The following TRAPPC9 variants were observed in gnomAD, a reference collection of about 807,000 sequenced individuals.
The protein encoded by TRAPPC9 is trafficking protein particle complex subunit 9.
A neutral mutation model predicts 124.0 loss-of-function variants in TRAPPC9; 83 were observed. That is an observed-to-expected ratio of 0.67 (90% confidence interval 0.56 to 0.80). The LOEUF (loss-of-function observed/expected upper bound fraction) is 0.80. Ranked by LOEUF, TRAPPC9 falls within the 30% of genes least tolerant of loss-of-function variation. The pLI is 0.00. For synonymous variants in TRAPPC9, 638 were observed against 617.5 expected (o/e 1.03, Z -0.49); for missense variants, 1,302 against 1,508.3 (o/e 0.86, Z 2.27).
At chr8:139,924,758 C>A (rs1832705872) in intron 19 of TRAPPC9, among the ~76,000 whole-genome samples, 1 of 152,258 alleles carries the variant, frequency 6.6e-6, no homozygotes, top group South Asian at 2.1e-4. Context: ...GCACTGGTTT[C>A]TTTGGATACC....
At chr8:139,777,087 T>C (rs927419042) in intron 21 of TRAPPC9, among the ~76,000 whole-genome samples, 1 of 152,202 alleles carries the variant, frequency 6.6e-6, no homozygotes, top group Non-Finnish European at 1.5e-5. Context: ...GCTCTGATCA[T>C]CTTTCAAGAG....
At position 139,887,160 on chromosome 8, in the gene TRAPPC9, G is replaced by A. The variant is rs538480367; in HGVS notation, c.2965-1191C>T. The stretch of plus-strand genomic sequence containing the variant: ...CCAGCAGCAGGACAGGCTAAGGTCA[G>A]CAACATGCTGCCCTGGGGGCTCGGG... On this transcript the variant is annotated intron_variant, in intron 20 of 22. Transcript: ENST00000438773. Among the ~76,000 whole-genome samples, 3 of 151,512 alleles carry A rather than the reference G, an allele frequency of 2.0e-5. No individual in the cohort carries two copies. In the South Asian group the frequency reaches 6.3e-4, roughly 32 times the overall value.
At position 140,024,067 on chromosome 8, in the gene TRAPPC9, C is replaced by A. The variant is rs1839975560; in HGVS notation, c.2569G>T (p.Val857Phe). 6.2e-7 allele frequency: 1 copy of A among 1,613,878 alleles called. No individual in the cohort carries two copies. The highest frequency in any genetic ancestry group is 2.2e-5 in the East Asian group (1 of 44,870). The change falls in exon 18 of 23, where the codon GTC becomes TTC. Residue 857 changes from valine to phenylalanine, a missense_variant. This residue lies in a region of TRAPPC9 where 640 missense variants were observed against 679.3 expected (regional missense o/e 0.94). Coordinates refer to ENST00000438773, the MANE Select transcript of TRAPPC9 (RefSeq NM_001160372.4). ...CCTCCAGAGTATTTGAAATTCAGGA[C>A]AGCTTCCAGGGTCTAAAAGATATTA... ...DYSHVKTLEA[V>F]LNFKYSGGPG... is the part of the protein sequence containing the mutation.
chr8:140,238,198 T>A (rs1563871871), intron 16 of TRAPPC9: 1 of 152,214 alleles, frequency 6.6e-6, no homozygotes, highest in African/African-American at 2.4e-5. Context: ...GGGGATCACC[T>A]GTTGCTGATG....
intron 17 of TRAPPC9, among the ~76,000 whole-genome samples, chr8:140,211,186 A>C (rs2131250973): frequency 6.6e-6 from 1 of 152,260 alleles, no homozygotes; most frequent in Middle Eastern, 3.4e-3. Flanking sequence ...TGAGGCCAGG[A>C]GTTCAAGACC....
rs537805356 is a variant in TRAPPC9 at position 139,882,047 on chromosome 8, C to G, written c.3055+3832G>C. 3.9e-5 allele frequency among the ~76,000 whole-genome samples: 6 copies of G among 152,300 alleles called. 1 individual carries two copies. The South Asian group carries it at 1.2e-3, about 32-fold the overall frequency. On this transcript the variant is annotated intron_variant, in intron 21 of 22. Transcript: ENST00000438773. ...ATGAATGCCACAGATTCAAGGAGAG[C>G]CCCTTGTGAGTTTTCACACCAGGGC...
chr8:139,772,088 C>T (rs993019113), intron 21 of TRAPPC9, among the ~76,000 whole-genome samples: 7 of 152,226 alleles, frequency 4.6e-5, no homozygotes, highest in Non-Finnish European at 7.3e-5. Context: ...CTATCTAGCC[C>T]GCCAACCTCT....
chr8:139,996,977 C>T (rs1036371766), intron 18 of TRAPPC9, among the ~76,000 whole-genome samples: 1 of 152,156 alleles, frequency 6.6e-6, no homozygotes, highest in African/African-American at 2.4e-5. Flanking sequence ...GAATGCCTGA[C>T]CTCAGGTGAT....
intron 17 of TRAPPC9, among the ~76,000 whole-genome samples, chr8:140,052,676 G>A (rs1842069421): frequency 6.6e-6 from 1 of 152,118 alleles, no homozygotes; most frequent in African/African-American, 2.4e-5. Context: ...CAGCTACTCA[G>A]GAGGCTGAGG....
intron 19 of TRAPPC9, among the ~76,000 whole-genome samples, chr8:139,953,961 C>G (rs1352376919): frequency 6.6e-6 from 1 of 152,198 alleles, no homozygotes; most frequent in Non-Finnish European, 1.5e-5. Flanking sequence ...TAGAGAACCA[C>G]TGATACACTG....
In TRAPPC9 at chr8:140,291,030, T is replaced by A; in HGVS notation, c.1817A>T (p.Tyr606Phe). ...GDVCEVQLMV[Y>F]NPMPFELRVE... Reference sequence around the variant, plus strand: ...TCGAAGTTCAAACGGCATTGGGTTATATACCATCAGCTGAACTTCACACAC... The same window carrying A: ...TCGAAGTTCAAACGGCATTGGGTTAAATACCATCAGCTGAACTTCACACAC... Residue 606 changes from tyrosine to phenylalanine, a missense_variant, in exon 12 of 23, where the codon TAT becomes TTT. Physicochemically the swap from Tyr to Phe is conservative, Grantham distance 22. This residue lies in a region of TRAPPC9 where 657 missense variants were observed against 811.2 expected (regional missense o/e 0.81). Transcript: ENST00000438773. 1.2e-6 allele frequency: 2 copies of A among 1,614,270 alleles called. No individual in the cohort carries two copies. Among genetic ancestry groups the A allele is most frequent in the Non-Finnish European group, 1.7e-6 (2 of 1,180,050 alleles).
chr8:140,393,052 ATTTTATTTT>A (rs1258677923), intron 7 of TRAPPC9, among the ~76,000 whole-genome samples: 1 of 148,900 alleles, frequency 6.7e-6, no homozygotes, highest in African/African-American at 2.5e-5. Context: ...ATTTTATTTT[ATTTTATTTT>A]ATTTTATTTT....
intron 17 of TRAPPC9, among the ~76,000 whole-genome samples, chr8:140,033,978 A>G (rs1471609371): frequency 1.3e-5 from 2 of 152,148 alleles, no homozygotes. Flanking sequence ...CACTGTGCCC[A>G]GCCCATTATG....
At chr8:140,380,772 C>T (rs954164564) in intron 7 of TRAPPC9, among the ~76,000 whole-genome samples, 1 of 151,486 alleles carries the variant, frequency 6.6e-6, no homozygotes, top group Non-Finnish European at 1.5e-5. Flanking sequence ...TATAAAGTTC[C>T]TAAAAGAAAA....
At chr8:140,231,481 C>CTTTTTTTTTTTTTT (rs71320347) in intron 16 of TRAPPC9, among the ~76,000 whole-genome samples, 3 of 56,990 alleles carry the variant, frequency 5.3e-5, no homozygotes, top group Admixed American at 2.9e-4. Context: ...ACTGCCTTTT[C>CTTTTTTTTTTTTTT]TTTTTTTTTT....
At chr8:140,371,248 A>G in intron 7 of TRAPPC9, 68 bp from the exon 8 acceptor site, 2 of 1,411,368 alleles carry the variant, frequency 1.4e-6, no homozygotes, top group East Asian at 2.5e-5. Flanking sequence ...AGCACACATT[A>G]AAAATGTCTC....
At chr8:140,319,659 G>T (rs1285901173) in intron 9 of TRAPPC9, among the ~76,000 whole-genome samples, 1 of 151,760 alleles carries the variant, frequency 6.6e-6, no homozygotes, top group Non-Finnish European at 1.5e-5. Flanking sequence ...GTAAAGATGG[G>T]TTTTTGCCAT....
chr8:140,345,381 T>C (rs929686887), intron 9 of TRAPPC9, among the ~76,000 whole-genome samples: 12 of 152,150 alleles, frequency 7.9e-5, no homozygotes, highest in African/African-American at 2.7e-4. Flanking sequence ...CCCAAAGAGC[T>C]GGAGTGTTCT....
intron 9 of TRAPPC9, among the ~76,000 whole-genome samples, chr8:140,328,091 CT>C (rs2066787983): frequency 6.6e-6 from 1 of 152,002 alleles, no homozygotes; most frequent in African/African-American, 2.4e-5. Flanking sequence ...CCCATCTCTA[CT>C]AAAAATACAA....
Sources: allele counts gnomAD v4.1 joint callset (sites outside exome capture counted in the v4.1 genomes callset), GRCh38; gene constraint gnomAD v4.1.1; regional missense constraint gnomAD v4.1.1; transcripts MANE v1.5; gene names NCBI Gene and HGNC (gene_info 2026-07-23, HGNC 2026-07-21).